Variants in KIF16B observed in about 807,000 individuals in gnomAD.
KIF16B encodes kinesin family member 16B.
KIF16B carries 98 observed loss-of-function variants against 156.3 expected under a neutral mutation model. The observed-to-expected ratio is 0.63, with a 90% CI of 0.53 to 0.74. KIF16B has a LOEUF of 0.74. Ranked by LOEUF, KIF16B falls within the 30% of genes least tolerant of loss-of-function variation. The pLI is 0.00. For synonymous variants in KIF16B, 564 were observed against 583.7 expected, an observed-to-expected ratio of 0.97 and a Z score of 0.49; for missense variants, 1,421 against 1,606.5, an observed-to-expected ratio of 0.88 and a Z score of 1.97.
At chr20:16,487,615 C>T (rs1203136190) in intron 12 of KIF16B, among the ~76,000 whole-genome samples, 1 of 152,128 alleles carries the variant, frequency 6.6e-6, no homozygotes, top group East Asian at 1.9e-4. Context: ...TGAAAGCATG[C>T]CTCCCCATGA....
At chr20:16,455,196 GT>G (rs911854930) in intron 12 of KIF16B, among the ~76,000 whole-genome samples, 1 of 151,826 alleles carries the variant, frequency 6.6e-6, no homozygotes, top group Non-Finnish European at 1.5e-5. Context: ...AAACCAACTT[GT>G]TTTTTTAAAA....
intron 12 of KIF16B, among the ~76,000 whole-genome samples, chr20:16,454,402 A>G (rs1314586311): frequency 6.7e-6 from 1 of 149,948 alleles, no homozygotes; most frequent in Admixed American, 6.7e-5. Context: ...AAATGTATAT[A>G]TGGATATATG....
chr20:16,440,743 GC>G (rs1482986493), intron 12 of KIF16B, among the ~76,000 whole-genome samples: 3 of 152,038 alleles, frequency 2.0e-5, no homozygotes, highest in Non-Finnish European at 4.4e-5. Context: ...AATTAATACT[GC>G]CCTTTTAATG....
At position 16,442,883 on chromosome 20, in the gene KIF16B, C is replaced by A. The variant is rs574464186; in HGVS notation, c.1303-12901G>T. 3.3e-5 allele frequency among the ~76,000 whole-genome samples: 5 copies of A among 152,310 alleles called. No homozygotes were observed. The South Asian group carries it at 1.0e-3, about 32-fold the overall frequency. On this transcript the variant is annotated intron_variant, in intron 12 of 25. Coordinates refer to ENST00000354981, the MANE Select transcript of KIF16B (RefSeq NM_024704.5). ...GAAGAAAAGAAGGAAAAGGAACAAA[C>A]TTCCAGCTTCTCACAATTCCCTTCT... is the stretch of plus-strand genomic sequence containing the variant.
chr20:16,371,617 A>C, intron 21 of KIF16B, 48 bp downstream of exon 21: 1 of 1,194,896 alleles, frequency 8.4e-7, no homozygotes, highest in Non-Finnish European at 1.2e-6. Flanking sequence ...GGAAAAAAGA[A>C]AGATGAACGA....
intron 3 of KIF16B, among the ~76,000 whole-genome samples, chr20:16,523,136 C>T (rs928417968): frequency 1.3e-5 from 2 of 152,156 alleles, no homozygotes; most frequent in Non-Finnish European, 2.9e-5. Context: ...GACAAGGATG[C>T]CCTCTCTCAC....
rs535201231 is a variant in KIF16B at position 16,410,331 on chromosome 20, G to C, written c.1613-3875C>G. Reference sequence around the variant, plus strand: ...TGTGTGTGTGTGTGTATATGTGTGTGTGTATGTGTGTGTATATATATATAG... The same window carrying C: ...TGTGTGTGTGTGTGTATATGTGTGTCTGTATGTGTGTGTATATATATATAG... On this transcript the variant is annotated intron_variant, in intron 15 of 25. Coordinates refer to ENST00000354981, the MANE Select transcript of KIF16B (RefSeq NM_024704.5). Among the ~76,000 whole-genome samples, 3 of 149,826 alleles carry C rather than the reference G, an allele frequency of 2.0e-5. No homozygotes were observed. The South Asian group carries it at 6.3e-4, about 32-fold the overall frequency.
intron 7 of KIF16B, 70 bp from the exon 8 acceptor site, chr20:16,506,260 T>G: frequency 8.4e-6 from 11 of 1,311,980 alleles, no homozygotes; most frequent in Non-Finnish European, 1.1e-5. Context: ...ATATGAATTC[T>G]AACTATTTTC....
intron 12 of KIF16B, among the ~76,000 whole-genome samples, chr20:16,446,915 G>T (rs1284796247): frequency 6.6e-6 from 1 of 152,136 alleles, no homozygotes; most frequent in Non-Finnish European, 1.5e-5. Flanking sequence ...AATCTATCCT[G>T]CACTAGAATA....
chr20:16,481,456 G>A (rs192322899), intron 12 of KIF16B, among the ~76,000 whole-genome samples: 1 of 152,292 alleles, frequency 6.6e-6, no homozygotes, highest in Admixed American at 6.5e-5. Flanking sequence ...CTCCCAAAGT[G>A]CTGGGATTAA....
chr20:16,302,513 G>T (rs2063487377), intron 25 of KIF16B, among the ~76,000 whole-genome samples: 2 of 152,130 alleles, frequency 1.3e-5, no homozygotes, highest in African/African-American at 4.8e-5. Flanking sequence ...GATTACTGCA[G>T]CTTTGTATTA....
chr20:16,477,262 T>C (rs1402374361), intron 12 of KIF16B, among the ~76,000 whole-genome samples: 4 of 150,144 alleles, frequency 2.7e-5, no homozygotes, highest in Non-Finnish European at 5.9e-5. Context: ...GATTCCTTCC[T>C]GGGCTCCTTG....
chr20:16,310,557 C>T (rs1356030878), intron 25 of KIF16B, among the ~76,000 whole-genome samples: 1 of 152,092 alleles, frequency 6.6e-6, no homozygotes, highest in Non-Finnish European at 1.5e-5. Flanking sequence ...TTTCTGTTGG[C>T]ATATAAAAAC....
In KIF16B at chr20:16,409,996, G is replaced by C. The variant is rs568226852; in HGVS notation, c.1613-3540C>G. On this transcript the variant is annotated intron_variant, in intron 15 of 25. Coordinates refer to ENST00000354981, the MANE Select transcript of KIF16B (RefSeq NM_024704.5). Reference sequence around the variant, plus strand: ...ATATATATATATATATATATATGTAGGTACATATATATATGTAGGTACATA... The same window carrying C: ...ATATATATATATATATATATATGTACGTACATATATATATGTAGGTACATA... Among the ~76,000 whole-genome samples, 128 of 68,778 alleles carry C rather than the reference G, an allele frequency of 1.9e-3. 8 individuals carry two copies. The highest frequency in any genetic ancestry group is 0.014 in the East Asian group (15 of 1,044). 45.1% of individuals were successfully genotyped at this position (68,778 alleles called of 152,430 possible). A position where few individuals can be genotyped will look rare whatever the true frequency, so the allele number is the denominator to read the frequency against.
chr20:16,531,566 C>T (rs2069750372), intron 1 of KIF16B, among the ~76,000 whole-genome samples: 1 of 152,100 alleles, frequency 6.6e-6, no homozygotes. Context: ...CTGACTCTGA[C>T]CTAGAGCTGC....
chr20:16,510,603 C>A (rs2068927895), intron 6 of KIF16B, among the ~76,000 whole-genome samples: 2 of 152,120 alleles, frequency 1.3e-5, no homozygotes, highest in Non-Finnish European at 2.9e-5. Context: ...GAGCTGAGAT[C>A]ACACCACTGC....
rs146769469 is a variant in KIF16B at position 16,325,450 on chromosome 20, A to G, written c.3711+10476T>C. The stretch of plus-strand genomic sequence containing the variant: ...CCTAGATCTGATAAATGAATTCAGT[A>G]AAGTTTCAGGATACAAAATGAATGT... On this transcript the variant is annotated intron_variant, in intron 24 of 25. Transcript: ENST00000354981. Among the ~76,000 whole-genome samples the G allele has an allele frequency of 4.4e-3, 670 of 152,196 alleles. 5 individuals carry two copies. Among genetic ancestry groups the G allele is most frequent in the African/African-American group, 0.015 (633 of 41,550 alleles).
intron 25 of KIF16B, among the ~76,000 whole-genome samples, chr20:16,291,947 G>T (rs1358922537): frequency 6.6e-6 from 1 of 152,124 alleles, no homozygotes; most frequent in Non-Finnish European, 1.5e-5. Context: ...TACAAGCCCC[G>T]GGGTCTACTG....
intron 12 of KIF16B, among the ~76,000 whole-genome samples, chr20:16,477,284 T>C (rs752060030): frequency 1.3e-5 from 2 of 151,588 alleles, no homozygotes; most frequent in Non-Finnish European, 2.9e-5. Context: ...TCTAACATTC[T>C]ATGTTCTATG....
Sources: gnomAD v4.1 joint callset for allele counts (sites outside exome capture counted in the v4.1 genomes callset) on GRCh38, gnomAD v4.1.1 for gene constraint, MANE v1.5 for transcripts, NCBI Gene and HGNC (gene_info 2026-07-23, HGNC 2026-07-21) for gene names.